Variants in COL23A1 observed in about 807,000 individuals in gnomAD.
COL23A1 encodes the protein collagen type XXIII alpha 1 chain.
In COL23A1, 97 loss-of-function variants were observed where a neutral mutation model predicts 99.3. That is an observed-to-expected ratio of 0.98 (90% CI 0.83 to 1.16). The LOEUF is 1.16. Among genes scored for constraint, COL23A1 ranks in the 50% most tolerant of loss-of-function variants. The pLI is 0.00. For synonymous variants in COL23A1, 320 were observed against 308.2 expected, an observed-to-expected ratio of 1.04 and a Z score of -0.40; for missense variants, 762 against 757.4, an observed-to-expected ratio of 1.01 and a Z score of -0.07.
At chr5:178,312,257 T>G (rs2913772) in intron 2 of COL23A1, among the ~76,000 whole-genome samples, 1 of 151,894 alleles carries the variant, frequency 6.6e-6, no homozygotes, top group African/African-American at 2.4e-5. Flanking sequence ...GCTGAGCTCT[T>G]TGGGAATGAG....
In COL23A1 at chr5:178,428,750, C is replaced by T. The variant is rs574317606; in HGVS notation, c.362-121831G>A. On this transcript the variant is annotated intron_variant, in intron 2 of 28. Coordinates refer to ENST00000390654, the MANE Select transcript of COL23A1 (RefSeq NM_173465.4). This position sits in a 1 kb window ranked among gnomAD's most constrained non-coding sequence, Gnocchi z 5.0. Reference sequence around the variant, plus strand: ...TGGCCTGTGATCATTCATTTCAGGGCCTCATTTTGTTCCTGAACTGGGCTC... The same window carrying T: ...TGGCCTGTGATCATTCATTTCAGGGTCTCATTTTGTTCCTGAACTGGGCTC... 2.0e-5 allele frequency among the ~76,000 whole-genome samples: 3 copies of T among 152,306 alleles called. No individual in the cohort carries two copies. In the South Asian group the frequency reaches 6.2e-4, roughly 32 times the overall value.
rs182779649 is a variant in COL23A1 at position 178,433,936 on chromosome 5, C to T, written c.361+126746G>A. ...AAGAGAAGATGAAGACACAGACACA[C>T]ACAGAAGGACGGCCATGTGAGGACA... On this transcript the variant is annotated intron_variant, in intron 2 of 28. Transcript: ENST00000390654. 2.1e-3 allele frequency among the ~76,000 whole-genome samples: 316 copies of T among 152,268 alleles called. 4 individuals carry two copies. The highest frequency in any genetic ancestry group is 7.2e-3 in the African/African-American group (298 of 41,540).
chr5:178,530,878 T>G (rs931407247), intron 2 of COL23A1, among the ~76,000 whole-genome samples: 7 of 152,148 alleles, frequency 4.6e-5, no homozygotes, highest in African/African-American at 1.4e-4. Flanking sequence ...TAAGCATTAA[T>G]TTTTTTGAGG....
chr5:178,474,357 T>C (rs1471097347), intron 2 of COL23A1, among the ~76,000 whole-genome samples: 5 of 152,226 alleles, frequency 3.3e-5, no homozygotes, highest in African/African-American at 1.2e-4. Context: ...TTCCCAAATA[T>C]TTTATGATAA....
chr5:178,577,532 G>A (rs558550823), intron 1 of COL23A1, among the ~76,000 whole-genome samples: 4 of 152,324 alleles, frequency 2.6e-5, no homozygotes, highest in East Asian at 3.9e-4. Context: ...ATCCGCTGGG[G>A]CTTTCAGCAG....
intron 1 of COL23A1, among the ~76,000 whole-genome samples, chr5:178,585,337 C>CTGACGCTCAGG (rs1363746062): frequency 6.7e-6 from 1 of 149,026 alleles, no homozygotes; most frequent in Non-Finnish European, 1.5e-5. Flanking sequence ...GTGGCCCCGG[C>CTGACGCTCAGG]TGACGCTCAG....
chr5:178,554,769 C>T (rs1762180860), intron 2 of COL23A1, among the ~76,000 whole-genome samples: 1 of 152,144 alleles, frequency 6.6e-6, no homozygotes, highest in South Asian at 2.1e-4. Flanking sequence ...TGCTCCAAGT[C>T]AGTGCAATTT....
intron 2 of COL23A1, among the ~76,000 whole-genome samples, chr5:178,417,223 A>G (rs1765360093): frequency 6.6e-6 from 1 of 152,196 alleles, no homozygotes; most frequent in Admixed American, 6.5e-5. Flanking sequence ...AACACATACA[A>G]CACACATGCA....
At chr5:178,410,145 A>T (rs905156230) in intron 2 of COL23A1, among the ~76,000 whole-genome samples, 3 of 152,260 alleles carry the variant, frequency 2.0e-5, no homozygotes, top group Admixed American at 2.0e-4. Flanking sequence ...ATAATACAGT[A>T]TGAAAACAGA....
chr5:178,573,182 A>G (rs767166708), intron 1 of COL23A1, among the ~76,000 whole-genome samples: 9 of 152,174 alleles, frequency 5.9e-5, no homozygotes, highest in Non-Finnish European at 1.3e-4. Context: ...TGCATTTTTA[A>G]TTTGTGGAGT....
At chr5:178,422,389 G>C (rs1365170317) in intron 2 of COL23A1, among the ~76,000 whole-genome samples, 4 of 152,178 alleles carry the variant, frequency 2.6e-5, no homozygotes. Context: ...TGTCAGCCTT[G>C]ACAGTAACAG....
intron 4 of COL23A1, among the ~76,000 whole-genome samples, chr5:178,289,461 AC>A (rs1266166063): frequency 6.6e-6 from 1 of 151,822 alleles, no homozygotes; most frequent in African/African-American, 2.4e-5. Context: ...CTTCCCTCAT[AC>A]CCTTCACACC....
Position 178,458,407 on chromosome 5 carries a change from CG to C in COL23A1, c.361+102274del, listed in dbSNP as rs977218080. Among the ~76,000 whole-genome samples the C allele has an allele frequency of 1.5e-4, 23 of 151,950 alleles. 1 individual carries two copies. Among genetic ancestry groups the C allele is most frequent in the Admixed American group, 6.6e-4 (10 of 15,244 alleles). On this transcript the variant is annotated intron_variant, in intron 2 of 28. Coordinates refer to ENST00000390654, the MANE Select transcript of COL23A1 (RefSeq NM_173465.4). ...CTGTAATCCCAGTACTTTGGGAGGC[CG>C]GGTGGATCACTTGAGGTCAGGAGTT...
At chr5:178,288,611 C>A (rs1048844075) in intron 4 of COL23A1, 1 of 591,882 alleles carries the variant, frequency 1.7e-6, no homozygotes, top group Non-Finnish European at 3.1e-6. Flanking sequence ...GCCCTCCCCA[C>A]GCTGGCCAGG....
At chr5:178,474,670 A>G (rs1166244205) in intron 2 of COL23A1, among the ~76,000 whole-genome samples, 1 of 152,184 alleles carries the variant, frequency 6.6e-6, no homozygotes, top group Non-Finnish European at 1.5e-5. Context: ...CACTCAGTAC[A>G]TTTTTATTGA....
intron 2 of COL23A1, among the ~76,000 whole-genome samples, chr5:178,495,821 G>T (rs1320458211): frequency 6.6e-6 from 1 of 152,152 alleles, no homozygotes; most frequent in Admixed American, 6.5e-5. Flanking sequence ...ATCTGTGAAT[G>T]CTTTCTAGCC....
At position 178,468,170 on chromosome 5, in the gene COL23A1, G is replaced by T. The variant is rs535945719; in HGVS notation, c.361+92512C>A. 1.4e-4 allele frequency among the ~76,000 whole-genome samples: 22 copies of T among 152,170 alleles called. No individual in the cohort carries two copies. The South Asian group carries it at 4.6e-3, about 32-fold the overall frequency. On this transcript the variant is annotated intron_variant, in intron 2 of 28. Transcript: ENST00000390654. The surrounding 1 kb of genome is among the most constrained non-coding windows in gnomAD (Gnocchi z 4.2). ...CGCCGGCTTTGGGGTGTGCTTGTGT[G>T]TTCACGGAGGATGAACACACCCACC...
intron 1 of COL23A1, among the ~76,000 whole-genome samples, chr5:178,587,710 AG>A (rs1764070998): frequency 6.6e-6 from 1 of 152,208 alleles, no homozygotes; most frequent in Non-Finnish European, 1.5e-5. Context: ...GGCTTGAAAA[AG>A]TATCTATACA....
intron 2 of COL23A1, among the ~76,000 whole-genome samples, chr5:178,375,966 A>C (rs10079753): frequency 0.11 from 16,438 of 152,102 alleles, 1,822 homozygotes; most frequent in African/African-American, 0.29. Flanking sequence ...CTCGGCCTCC[A>C]AAAGTGTTGG....
Sources: gnomAD v4.1 joint callset for allele counts (sites outside exome capture counted in the v4.1 genomes callset) on GRCh38, gnomAD v4.1.1 for gene constraint, Gnocchi (gnomAD v3.1) non-coding constraint, MANE v1.5 for transcripts, NCBI Gene and HGNC (gene_info 2026-07-23, HGNC 2026-07-21) for gene names.